The following NEK11 variants were observed in gnomAD, a reference collection of about 807,000 sequenced individuals.
NEK11 encodes serine/threonine-protein kinase Nek11.
Under a neutral mutation model 80.7 loss-of-function variants are expected in NEK11, and 72 were observed. The observed-to-expected ratio is 0.89, with a 90% CI of 0.74 to 1.08. The LOEUF (loss-of-function observed/expected upper bound fraction) is 1.08, where lower values mean the gene tolerates loss of function less well. NEK11 is among the 50% of genes least tolerant of loss of function. The pLI, the probability that NEK11 is intolerant of heterozygous loss-of-function variation, is 0.00. For synonymous variants in NEK11, 251 were observed against 260.7 expected (o/e 0.96, Z 0.36); for missense variants, 764 against 763.6 (o/e 1.00, Z -0.01).
At chr3:131,113,764 T>C (rs1023247227) in intron 5 of NEK11, among the ~76,000 whole-genome samples, 1 of 151,676 alleles carries the variant, frequency 6.6e-6, no homozygotes, top group Non-Finnish European at 1.5e-5. Flanking sequence ...TACAAAAAAT[T>C]AGCGAGGCAT....
At chr3:131,152,224 A>AT (rs2089793693) in intron 7 of NEK11, among the ~76,000 whole-genome samples, 164 bp from the exon 8 acceptor site, 1 of 151,554 alleles carries the variant, frequency 6.6e-6, no homozygotes, top group Admixed American at 6.6e-5. Flanking sequence ...GTAAACATGT[A>AT]TTTAAATGGA....
chr3:131,337,358 C>T (rs948172338), intron 17 of NEK11, among the ~76,000 whole-genome samples: 2 of 151,736 alleles, frequency 1.3e-5, no homozygotes, highest in East Asian at 1.9e-4. Context: ...AGTAAACTAT[C>T]GCAACGACAA....
intron 17 of NEK11, among the ~76,000 whole-genome samples, chr3:131,317,817 G>GAGGA (rs2096858137): frequency 1.2e-5 from 1 of 83,698 alleles, no homozygotes; most frequent in African/African-American, 4.6e-5. Context: ...AGAGGAGGAG[G>GAGGA]GGGAGGGGAG....
intron 16 of NEK11, among the ~76,000 whole-genome samples, chr3:131,251,575 T>TAA (rs2095704868): frequency 2.0e-5 from 3 of 152,144 alleles, no homozygotes; most frequent in Admixed American, 1.3e-4. Context: ...GATTGCAAGG[T>TAA]TCTGAATACG....
chr3:131,152,920 C>T (rs2089961222), intron 9 of NEK11, among the ~76,000 whole-genome samples: 1 of 152,032 alleles, frequency 6.6e-6, no homozygotes, highest in Non-Finnish European at 1.5e-5. Context: ...CCCGTCTCTA[C>T]TAAAAGTACA....
chr3:131,327,365 G>A (rs1280138026), intron 17 of NEK11: 10 of 152,252 alleles, frequency 6.6e-5, no homozygotes, highest in Admixed American at 6.5e-4. Context: ...TATCATATGT[G>A]TACAAGAACT....
chr3:131,104,997 GTCGC>G (rs1241069045), intron 4 of NEK11, among the ~76,000 whole-genome samples: 1 of 152,164 alleles, frequency 6.6e-6, no homozygotes, highest in Admixed American at 6.5e-5. Flanking sequence ...CTTTCTGTGG[GTCGC>G]TGTTGCTTCT....
intron 17 of NEK11, among the ~76,000 whole-genome samples, chr3:131,308,515 C>T (rs1195733567): frequency 1.3e-5 from 2 of 152,144 alleles, no homozygotes; most frequent in African/African-American, 4.8e-5. Flanking sequence ...AATAAATTTA[C>T]ACCCCTGTCT....
intron 17 of NEK11, among the ~76,000 whole-genome samples, chr3:131,302,487 A>G (rs1244941831): frequency 6.6e-6 from 1 of 152,206 alleles, no homozygotes; most frequent in Non-Finnish European, 1.5e-5. Flanking sequence ...GTGAACATCT[A>G]GCACTATAAA....
chr3:131,088,864 C>T (rs1430185380), intron 4 of NEK11, among the ~76,000 whole-genome samples: 1 of 151,992 alleles, frequency 6.6e-6, no homozygotes, highest in Non-Finnish European at 1.5e-5. Context: ...TGACATTTCC[C>T]CCACGTTTTA....
chr3:131,272,923 A>G (rs1261939352), intron 16 of NEK11, among the ~76,000 whole-genome samples: 2 of 152,120 alleles, frequency 1.3e-5, no homozygotes, highest in Non-Finnish European at 2.9e-5. Context: ...CTCAACTTTC[A>G]TTACCAACTC....
chr3:131,095,489 A>G (rs150350461), intron 4 of NEK11, among the ~76,000 whole-genome samples: 8 of 152,280 alleles, frequency 5.3e-5, no homozygotes, highest in African/African-American at 1.7e-4. Flanking sequence ...AATTAATTAT[A>G]ATGCAATTGA....
At chr3:131,274,293 ATT>A (rs201937927) in intron 17 of NEK11, among the ~76,000 whole-genome samples, 1 of 145,400 alleles carries the variant, frequency 6.9e-6, no homozygotes, top group Non-Finnish European at 1.5e-5. Context: ...TGAACTCATC[ATT>A]TTTTATGGCT....
chr3:131,198,942 G>C (rs1263533503), intron 14 of NEK11, among the ~76,000 whole-genome samples: 1 of 152,182 alleles, frequency 6.6e-6, no homozygotes, highest in Non-Finnish European at 1.5e-5. Context: ...CCTTTTAGTT[G>C]CTTTAGGGTT....
chr3:131,247,950 A>G (rs1334991084), intron 16 of NEK11, among the ~76,000 whole-genome samples: 1 of 151,310 alleles, frequency 6.6e-6, no homozygotes, highest in Non-Finnish European at 1.5e-5. Flanking sequence ...TTTATTTTGT[A>G]TCCTGAAATT....
In NEK11 at chr3:131,318,739, GTATA is replaced by G. The variant is rs35126140; in HGVS notation, c.1719-30802_1719-30799del. On this transcript the variant is annotated intron_variant, in intron 17 of 17. Transcript: ENST00000383366. ...TTGTTTAGTATGCGTGTGTACATGT[GTATA>G]TATATATATATATATTTATAAAACA... 1.0e-4 allele frequency among the ~76,000 whole-genome samples: 15 copies of G among 145,532 alleles called. No individual in the cohort carries two copies. The South Asian group carries it at 1.5e-3, about 15-fold the overall frequency.
chr3:131,090,177 G>A lies in NEK11; in HGVS notation c.336+9589G>A, dbSNP rs2076528442. ...TTTGATAATAACGATCAAAGGTGGG[G>A]TTAAGAACACTGAATTTGGGTTGTT... On this transcript the variant is annotated intron_variant, in intron 4 of 17. Coordinates refer to ENST00000383366, the MANE Select transcript of NEK11 (RefSeq NM_024800.5). Among the ~76,000 whole-genome samples the A allele has an allele frequency of 3.3e-5, 5 of 152,272 alleles. No individual in the cohort carries two copies. The South Asian group carries it at 1.0e-3, about 32-fold the overall frequency.
At chr3:131,189,489 G>T (rs1171631073) in intron 14 of NEK11, among the ~76,000 whole-genome samples, 1 of 152,088 alleles carries the variant, frequency 6.6e-6, no homozygotes, top group African/African-American at 2.4e-5. Context: ...TTTTATAAGG[G>T]TACTAATCCC....
intron 16 of NEK11, among the ~76,000 whole-genome samples, chr3:131,254,633 A>G (rs758854767): frequency 3.9e-5 from 6 of 152,190 alleles, no homozygotes; most frequent in Non-Finnish European, 5.9e-5. Flanking sequence ...TTACTTCTGA[A>G]ACAACATCCA....
Sources: gnomAD v4.1 joint callset for allele counts (sites outside exome capture counted in the v4.1 genomes callset) on GRCh38, gnomAD v4.1.1 for gene constraint, MANE v1.5 for transcripts, NCBI Gene and HGNC (gene_info 2026-07-23, HGNC 2026-07-21) for gene names.